UVRAG: variants seen among roughly 807,000 people sequenced by gnomAD.
UVRAG encodes UV radiation resistance associated.
In UVRAG, 19 loss-of-function variants were observed where a neutral mutation model predicts 78.0. The ratio of observed to expected loss-of-function variants is 0.24; its 90% CI spans 0.17 to 0.36. UVRAG has a LOEUF of 0.36. UVRAG is among the 10% of genes least tolerant of loss of function. The pLI is 1.00. For missense variants in UVRAG, 740 were observed against 853.8 expected (o/e 0.87, Z 1.66); for synonymous variants, 323 against 324.6 (o/e 1.00, Z 0.05).
Position 76,140,903 on chromosome 11 carries a change from T to G in UVRAG, c.1590T>G (p.Pro530=), listed in dbSNP as rs1402606294. 1 of 1,614,120 alleles carries G rather than the reference T, an allele frequency of 6.2e-7. No individual in the cohort carries two copies. The highest frequency in any genetic ancestry group is 2.2e-5 in the East Asian group (1 of 44,880). ...PPSYNSALAQ[P]VTTVPSMGET... is the part of the protein sequence containing the mutation. The stretch of plus-strand genomic sequence containing the variant: ...GTTACAACTCAGCATTAGCCCAGCC[T>G]GTGACCACCGTCCCCTCCATGGGAG... The change falls in exon 15 of 15, where the codon CCT becomes CCG. Residue 530 remains proline, a synonymous_variant. Transcript: ENST00000356136.
chr11:75,853,078 C>T (rs1415555344), intron 2 of UVRAG, among the ~76,000 whole-genome samples: 1 of 151,892 alleles, frequency 6.6e-6, no homozygotes, highest in African/African-American at 2.4e-5. Context: ...TCCAGGCTAA[C>T]TTTGAAAAAA....
chr11:75,918,041 A>C (rs1018780384), intron 6 of UVRAG, among the ~76,000 whole-genome samples: 1 of 151,982 alleles, frequency 6.6e-6, no homozygotes, highest in African/African-American at 2.4e-5. Context: ...AAATCCTTAC[A>C]ATCTTTTACA....
chr11:75,951,699 G>A (rs1341262305), intron 6 of UVRAG, among the ~76,000 whole-genome samples: 1 of 152,054 alleles, frequency 6.6e-6, no homozygotes, highest in East Asian at 1.9e-4. Context: ...ATATTTCATT[G>A]ATCTGTTTGT....
At chr11:75,916,037 C>G (rs1311319482) in intron 6 of UVRAG, 1 of 152,098 alleles carries the variant, frequency 6.6e-6, no homozygotes, top group East Asian at 1.9e-4. Flanking sequence ...TTCTTTTATA[C>G]TTTTTCAAAG....
At chr11:75,892,352 A>T in intron 5 of UVRAG, 2 of 985,416 alleles carry the variant, frequency 2.0e-6, no homozygotes. Flanking sequence ...TGAGAAATGG[A>T]GTGGGGCATT....
chr11:75,832,843 G>C (rs1489579106), intron 1 of UVRAG, among the ~76,000 whole-genome samples: 2 of 152,190 alleles, frequency 1.3e-5, no homozygotes, highest in African/African-American at 4.8e-5. Context: ...AAGGGTCTTA[G>C]AAACTCTTGT....
At chr11:75,975,170 G>A (rs1176633322) in intron 7 of UVRAG, among the ~76,000 whole-genome samples, 2 of 152,122 alleles carry the variant, frequency 1.3e-5, no homozygotes, top group Non-Finnish European at 2.9e-5. Flanking sequence ...AAGATCAGAT[G>A]GTTGTAGATG....
intron 9 of UVRAG, among the ~76,000 whole-genome samples, chr11:76,005,122 G>A (rs1235355016): frequency 1.3e-5 from 2 of 152,060 alleles, no homozygotes. Flanking sequence ...GGCAGGCAGA[G>A]CATGCAGTCA....
At chr11:75,904,285 TTCTG>T (rs1294403968) in intron 5 of UVRAG, among the ~76,000 whole-genome samples, 1 of 152,224 alleles carries the variant, frequency 6.6e-6, no homozygotes, top group Non-Finnish European at 1.5e-5. Flanking sequence ...CTTGTTACTA[TTCTG>T]TTCCTTGAAG....
At chr11:75,895,153 T>C (rs891450346) in intron 5 of UVRAG, among the ~76,000 whole-genome samples, 2 of 152,218 alleles carry the variant, frequency 1.3e-5, no homozygotes, top group African/African-American at 4.8e-5. Context: ...TAAAGCAGCT[T>C]TCAATAATGC....
chr11:76,130,495 C>CA, intron 14 of UVRAG, among the ~76,000 whole-genome samples: 1 of 152,166 alleles, frequency 6.6e-6, no homozygotes, highest in East Asian at 1.9e-4. Context: ...TAGGGGACTA[C>CA]AAAAGATAAG....
At chr11:75,881,991 C>T (rs1406700155) in intron 4 of UVRAG, among the ~76,000 whole-genome samples, 1 of 152,146 alleles carries the variant, frequency 6.6e-6, no homozygotes, top group Non-Finnish European at 1.5e-5. Context: ...CTATACTGCA[C>T]TGGTATATAC....
intron 6 of UVRAG, among the ~76,000 whole-genome samples, chr11:75,958,283 A>T (rs948221065): frequency 3.3e-5 from 5 of 152,172 alleles, no homozygotes; most frequent in African/African-American, 1.2e-4. Context: ...ATGCTGTTTG[A>T]TAGCATTTTA....
intron 11 of UVRAG, among the ~76,000 whole-genome samples, chr11:76,010,534 A>C (rs1198961984): frequency 6.6e-6 from 1 of 152,166 alleles, no homozygotes; most frequent in Non-Finnish European, 1.5e-5. Context: ...CCAAGTACAA[A>C]GGTGATGATG....
At chr11:75,905,057 G>A (rs1041442043) in intron 5 of UVRAG, among the ~76,000 whole-genome samples, 1 of 152,106 alleles carries the variant, frequency 6.6e-6, no homozygotes, top group African/African-American at 2.4e-5. Flanking sequence ...GTCGGTGGGT[G>A]TGGATAAATT....
intron 6 of UVRAG, among the ~76,000 whole-genome samples, chr11:75,928,413 A>C (rs942654465): frequency 5.9e-5 from 9 of 152,222 alleles, no homozygotes; most frequent in Non-Finnish European, 1.3e-4. Flanking sequence ...TCTAGGACAA[A>C]GAGGTGTCCC....
intron 3 of UVRAG, 139 bp from the exon 4 acceptor site, chr11:75,879,740 T>C (rs1166274079): frequency 9.1e-7 from 1 of 1,093,488 alleles, no homozygotes; most frequent in Admixed American, 2.3e-5. Flanking sequence ...TTGTAATGTC[T>C]TCTTGGCTTA....
chr11:76,096,494 ATAACT>A (rs1384198530), intron 13 of UVRAG, among the ~76,000 whole-genome samples: 6 of 152,214 alleles, frequency 3.9e-5, no homozygotes, highest in African/African-American at 1.4e-4. Flanking sequence ...CACATGAGAA[ATAACT>A]TTGTTTAACA....
At chr11:76,071,557 G>A (rs1442817818) in intron 13 of UVRAG, among the ~76,000 whole-genome samples, 9 of 152,096 alleles carry the variant, frequency 5.9e-5, no homozygotes, top group Admixed American at 4.6e-4. Context: ...TTTTCCCAAC[G>A]ATCATTCTAG....
Sources: allele counts gnomAD v4.1 joint callset (sites outside exome capture counted in the v4.1 genomes callset), GRCh38; gene constraint gnomAD v4.1.1; transcripts MANE v1.5; gene names NCBI Gene and HGNC (gene_info 2026-07-23, HGNC 2026-07-21).